Variants in LYPLAL1 observed in about 807,000 individuals in gnomAD.
LYPLAL1 encodes lysophospholipase-like protein 1.
In LYPLAL1, 23 loss-of-function variants were observed where a neutral mutation model predicts 19.7. That is an observed-to-expected ratio of 1.17 (90% CI 0.84 to 1.65). LYPLAL1 has a LOEUF of 1.65. Ranked by LOEUF, LYPLAL1 falls within the 40% of genes most tolerant of loss-of-function variation. The pLI is 0.00. For missense variants in LYPLAL1, 355 were observed against 279.4 expected, an observed-to-expected ratio of 1.27 and a Z score of -1.93; for synonymous variants, 119 against 96.3, an observed-to-expected ratio of 1.24 and a Z score of -1.38.
the LYPLAL1 span, among the ~76,000 whole-genome samples, chr1:219,241,098 A>ATTC: frequency 8.1e-3 from 481 of 59,108 alleles, 7 homozygotes; most frequent in African/African-American, 0.03. Flanking sequence ...AATATATATA[A>ATTC]TCTCTCTCTC....
chr1:219,233,968 A>G, the LYPLAL1 span, among the ~76,000 whole-genome samples: 2 of 152,180 alleles, frequency 1.3e-5, no homozygotes, highest in Non-Finnish European at 2.9e-5. Flanking sequence ...TGTAATGTGT[A>G]TGGGTGATGG....
At chr1:219,332,822 G>C in the LYPLAL1 span, among the ~76,000 whole-genome samples, 3 of 125,650 alleles carry the variant, frequency 2.4e-5, no homozygotes, top group Admixed American at 8.9e-5. Context: ...CTGATTTTCT[G>C]CCCCCCCCCC....
At chr1:219,399,172 G>C in the LYPLAL1 span, among the ~76,000 whole-genome samples, 33 of 151,982 alleles carry the variant, frequency 2.2e-4, no homozygotes, top group African/African-American at 7.7e-4. Context: ...GAGCTGGGGC[G>C]GGGGGGCCTC....
At chr1:219,333,684 T>C in the LYPLAL1 span, among the ~76,000 whole-genome samples, 2 of 152,094 alleles carry the variant, frequency 1.3e-5, no homozygotes, top group African/African-American at 2.4e-5. Context: ...GAACAAGTTT[T>C]AGGACAGATT....
the LYPLAL1 span, among the ~76,000 whole-genome samples, chr1:219,443,217 AC>A: frequency 6.6e-6 from 1 of 152,268 alleles, no homozygotes; most frequent in African/African-American, 2.4e-5. Flanking sequence ...AAGTCAACCT[AC>A]CTTTTATTCA....
intron 1 of LYPLAL1, chr1:219,174,404 A>G: frequency 2.0e-6 from 1 of 502,978 alleles, no homozygotes. Flanking sequence ...AGGCTCCCAT[A>G]CTAATGTAGA....
At chr1:219,226,664 A>G in the LYPLAL1 span, among the ~76,000 whole-genome samples, 2 of 152,172 alleles carry the variant, frequency 1.3e-5, no homozygotes, top group African/African-American at 4.8e-5. Context: ...CAACTCTAAC[A>G]TGCATGCTGT....
the LYPLAL1 span, among the ~76,000 whole-genome samples, chr1:219,229,800 G>A: frequency 2.0e-5 from 3 of 152,184 alleles, no homozygotes; most frequent in African/African-American, 7.2e-5. Context: ...TGCCCTGCGA[G>A]GGGGACAAGG....
the LYPLAL1 span, among the ~76,000 whole-genome samples, chr1:219,253,330 G>A: frequency 1.3e-5 from 2 of 151,578 alleles, no homozygotes; most frequent in East Asian, 1.9e-4. Flanking sequence ...TAGCTTAGGG[G>A]TTGATTTGTT....
At chr1:219,337,664 G>A in the LYPLAL1 span, among the ~76,000 whole-genome samples, 3 of 151,980 alleles carry the variant, frequency 2.0e-5, no homozygotes, top group Non-Finnish European at 4.4e-5. Context: ...TAAAAGTGGG[G>A]TGAAGGAATC....
the LYPLAL1 span, among the ~76,000 whole-genome samples, chr1:219,388,984 T>G: frequency 6.6e-6 from 1 of 152,172 alleles, no homozygotes; most frequent in East Asian, 1.9e-4. Context: ...ATTTTTCTCT[T>G]CACATATCTA....
At chr1:219,344,839 T>C in the LYPLAL1 span, among the ~76,000 whole-genome samples, 5,157 of 152,290 alleles carry the variant, frequency 0.034, 284 homozygotes, top group African/African-American at 0.12. Flanking sequence ...AAATATTTCA[T>C]TTCTTTCCAA....
the LYPLAL1 span, among the ~76,000 whole-genome samples, chr1:219,385,745 G>A: frequency 2.0e-5 from 3 of 152,254 alleles, no homozygotes; most frequent in South Asian, 2.1e-4. Flanking sequence ...GATAAACAGA[G>A]TTAAGATGTA....
At chr1:219,310,355 A>G in the LYPLAL1 span, among the ~76,000 whole-genome samples, 1 of 152,206 alleles carries the variant, frequency 6.6e-6, no homozygotes, top group Non-Finnish European at 1.5e-5. Context: ...TGAGGTCCCC[A>G]TGGCTTTCCA....
At chr1:219,395,210 A>G in the LYPLAL1 span, among the ~76,000 whole-genome samples, 1 of 152,240 alleles carries the variant, frequency 6.6e-6, no homozygotes, top group African/African-American at 2.4e-5. Context: ...ATTGTTTTCC[A>G]TAATGGTTGA....
At chr1:219,391,753 T>A in the LYPLAL1 span, among the ~76,000 whole-genome samples, 2 of 152,174 alleles carry the variant, frequency 1.3e-5, no homozygotes, top group African/African-American at 4.8e-5. Flanking sequence ...TTTCTACTCT[T>A]GGGAACTCCT....
At chr1:219,196,970 A>C (rs1441446449) in intron 3 of LYPLAL1, among the ~76,000 whole-genome samples, 1 of 152,198 alleles carries the variant, frequency 6.6e-6, no homozygotes, top group South Asian at 2.1e-4. Flanking sequence ...ACCACTGCTC[A>C]AGGAAATAAG....
chr1:219,275,375 G>A, the LYPLAL1 span, among the ~76,000 whole-genome samples: 15 of 152,292 alleles, frequency 9.8e-5, no homozygotes, highest in East Asian at 2.7e-3. Context: ...TACCTGTACA[G>A]CCAATTTAAT....
chr1:219,204,508 G>C (rs1340284543), intron 3 of LYPLAL1, among the ~76,000 whole-genome samples: 1 of 152,130 alleles, frequency 6.6e-6, no homozygotes, highest in Non-Finnish European at 1.5e-5. Flanking sequence ...TTTTTCCCTT[G>C]TGTATTGTTG....
Sources: gnomAD v4.1 joint callset for allele counts (sites outside exome capture counted in the v4.1 genomes callset) on GRCh38, gnomAD v4.1.1 for gene constraint, MANE v1.5 for transcripts, NCBI Gene and HGNC (gene_info 2026-07-23, HGNC 2026-07-21) for gene names.